UBAC2: variants seen among roughly 807,000 people sequenced by gnomAD.
UBAC2 encodes ubiquitin-associated domain-containing protein 2.
Under a neutral mutation model 44.0 loss-of-function variants are expected in UBAC2, and 26 were observed. That is an observed-to-expected ratio of 0.59 (90% CI 0.43 to 0.82). The LOEUF is 0.82. UBAC2 is among the 40% of genes least tolerant of loss of function. The pLI is 0.00. For missense variants in UBAC2, 329 were observed against 419.4 expected (o/e 0.78, Z 1.88); for synonymous variants, 155 against 154.3 (o/e 1.00, Z -0.04).
chr13:99,302,068 C>T (rs1318386223), intron 4 of UBAC2, among the ~76,000 whole-genome samples: 1 of 152,156 alleles, frequency 6.6e-6, no homozygotes, highest in Non-Finnish European at 1.5e-5. Context: ...TCTCTAGAGT[C>T]AGCTTATACA....
chr13:99,220,788 C>T (rs950369424), intron 1 of UBAC2, among the ~76,000 whole-genome samples: 1 of 152,000 alleles, frequency 6.6e-6, no homozygotes, highest in Non-Finnish European at 1.5e-5. Flanking sequence ...TGACTTGCCC[C>T]ATCTCAGTGC....
At chr13:99,226,626 G>A (rs1464462510) in intron 1 of UBAC2, among the ~76,000 whole-genome samples, 1 of 152,206 alleles carries the variant, frequency 6.6e-6, no homozygotes, top group East Asian at 1.9e-4. Context: ...AAAGGTTAAA[G>A]TCCTCATAAT....
At chr13:99,384,038 C>A (rs1260532878) in intron 8 of UBAC2, among the ~76,000 whole-genome samples, 4 of 152,182 alleles carry the variant, frequency 2.6e-5, no homozygotes, top group African/African-American at 9.7e-5. Context: ...AGCCACATGC[C>A]CAGGCCCATG....
intron 4 of UBAC2, chr13:99,296,145 T>TTGG: frequency 6.3e-7 from 1 of 1,588,856 alleles, no homozygotes; most frequent in Non-Finnish European, 8.6e-7. Context: ...TGTATATCCA[T>TTGG]TGGTGGTGGT....
At chr13:99,268,611 C>CAAAAAAAAAAAAA (rs756827927) in intron 4 of UBAC2, among the ~76,000 whole-genome samples, 21 of 75,652 alleles carry the variant, frequency 2.8e-4, no homozygotes, top group East Asian at 1.5e-3. Context: ...GACTCTGTCT[C>CAAAAAAAAAAAAA]AAAAAAAAAA....
rs192042740 is a variant in UBAC2 at position 99,341,744 on chromosome 13, C to T, written c.807+1179C>T. Among the ~76,000 whole-genome samples the T allele has an allele frequency of 2.4e-4, 37 of 152,188 alleles. 1 individual carries two copies. Among genetic ancestry groups the T allele is most frequent in the Admixed American group, 9.2e-4 (14 of 15,286 alleles). ...GCCTCGTATTTAGCAGGAGGTAAAT[C>T]CTTCAAGGAAACTGAGAGAAGAGCG... is the stretch of plus-strand genomic sequence containing the variant. On this transcript the variant is annotated intron_variant, in intron 7 of 8. Coordinates refer to ENST00000403766, the MANE Select transcript of UBAC2 (RefSeq NM_001144072.2).
rs576003331 is a variant in UBAC2, at chr13:99,251,973, C to T, written c.389+7349C>T. On this transcript the variant is annotated intron_variant, in intron 4 of 8. Coordinates refer to ENST00000403766, the MANE Select transcript of UBAC2 (RefSeq NM_001144072.2). ...ACAAGGTCTTGCCATGTTATCCAGGCTGGCCTTGAACTCCTAAGCTCAAGC... is the reference window on the plus strand; with the variant it reads ...ACAAGGTCTTGCCATGTTATCCAGGTTGGCCTTGAACTCCTAAGCTCAAGC... Among the ~76,000 whole-genome samples, 728 of 152,330 alleles carry T rather than the reference C, an allele frequency of 4.8e-3. 3 individuals are homozygous for T. Among genetic ancestry groups the T allele is most frequent in the Non-Finnish European group, 8.1e-3 (549 of 68,022 alleles).
At chr13:99,275,804 G>A (rs1417463498) in intron 4 of UBAC2, among the ~76,000 whole-genome samples, 1 of 152,016 alleles carries the variant, frequency 6.6e-6, no homozygotes, top group Non-Finnish European at 1.5e-5. Flanking sequence ...AAAGCTGATT[G>A]GAGTCTCGGG....
chr13:99,302,527 C>T (rs1178052873), intron 4 of UBAC2, among the ~76,000 whole-genome samples: 1 of 152,192 alleles, frequency 6.6e-6, no homozygotes, highest in Non-Finnish European at 1.5e-5. Context: ...TTGAAAACGC[C>T]TTCTTGTTCA....
At position 99,238,505 on chromosome 13, in the gene UBAC2, G is replaced by T; in HGVS notation, c.110G>T (p.Cys37Phe). The part of the protein sequence containing the change: ...SLLLALLLPH[C>F]QKLFVYDLHA... ...CTGCTCGCCCTCCTCCTGCCTCACT[G>T]CCAGAAGCTCTTTGTGTATGACCTT... The change falls in exon 2 of 9, where the codon TGC becomes TTC. Residue 37 changes from cysteine to phenylalanine, a missense_variant. By Grantham distance (205) the Cys-to-Phe change is radical. Coordinates refer to ENST00000403766, the MANE Select transcript of UBAC2 (RefSeq NM_001144072.2). The T allele has an allele frequency of 6.2e-7, 1 of 1,613,666 alleles. No individual in the cohort carries two copies. Among genetic ancestry groups the T allele is most frequent in the South Asian group, 1.1e-5 (1 of 91,052 alleles).
chr13:99,334,611 T>A (rs769199739), intron 6 of UBAC2, among the ~76,000 whole-genome samples: 3 of 152,108 alleles, frequency 2.0e-5, no homozygotes, highest in Non-Finnish European at 4.4e-5. Flanking sequence ...TGAATGCATA[T>A]TATAACCTCT....
chr13:99,248,453 G>A (rs9554577), intron 4 of UBAC2, among the ~76,000 whole-genome samples: 24,939 of 150,098 alleles, frequency 0.17, 2,342 homozygotes, highest in Middle Eastern at 0.23. Flanking sequence ...GTGCAATGGC[G>A]TGATTTCTGC....
intron 7 of UBAC2, among the ~76,000 whole-genome samples, chr13:99,366,002 A>G (rs2045325989): frequency 6.6e-6 from 1 of 152,146 alleles, no homozygotes; most frequent in African/African-American, 2.4e-5. Flanking sequence ...TTTATTTGGC[A>G]TGAATGTAGC....
rs989956034 is a variant in UBAC2, at chr13:99,386,115, T to A, written c.*780T>A. The A allele has an allele frequency of 6.6e-6, 1 of 152,230 alleles. No homozygotes were observed. Among genetic ancestry groups the A allele is most frequent in the Non-Finnish European group, 1.5e-5 (1 of 68,044 alleles). The allele number at this position is 152,230 out of a possible 1,614,324, so 9.4% of individuals were successfully genotyped here. Reference sequence around the variant, plus strand: ...GCCCAGGAAGAGGAGAAACGATCCCTTGCCTGCCCCTCCCTGTGGCAGGGC... The same window carrying A: ...GCCCAGGAAGAGGAGAAACGATCCCATGCCTGCCCCTCCCTGTGGCAGGGC... On this transcript the variant is annotated 3_prime_UTR_variant, in exon 9 of 9. Coordinates refer to ENST00000403766, the MANE Select transcript of UBAC2 (RefSeq NM_001144072.2).
At chr13:99,228,889 G>C (rs1269581524) in intron 1 of UBAC2, among the ~76,000 whole-genome samples, 1 of 152,212 alleles carries the variant, frequency 6.6e-6, no homozygotes, top group Non-Finnish European at 1.5e-5. Flanking sequence ...AGAGGAAATA[G>C]TTGGGCTATT....
At chr13:99,334,937 T>C (rs1449104885) in intron 6 of UBAC2, among the ~76,000 whole-genome samples, 1 of 152,188 alleles carries the variant, frequency 6.6e-6, no homozygotes, top group Non-Finnish European at 1.5e-5. Flanking sequence ...GATGAAGATA[T>C]ATTATGGAGA....
chr13:99,250,409 A>T (rs1367901362), intron 4 of UBAC2, among the ~76,000 whole-genome samples: 1 of 152,050 alleles, frequency 6.6e-6, no homozygotes, highest in Non-Finnish European at 1.5e-5. Context: ...ATTCTGTTCC[A>T]CTGGTCTGTA....
Position 99,238,570 on chromosome 13 carries a change from T to G in UBAC2, c.159+16T>G, listed in dbSNP as rs765254250. 73 of 1,594,008 alleles carry G rather than the reference T, an allele frequency of 4.6e-5. No homozygotes were observed. Among genetic ancestry groups the G allele is most frequent in the Non-Finnish European group, 6.0e-5 (70 of 1,169,098 alleles). ...CGACTTCCAGGTAAGCTCTGCCTCA[T>G]TGGCCCCTGAGAGGAGAGCGGACAG... On this transcript the variant is annotated intron_variant, in intron 2 of 8. Transcript: ENST00000403766.
intron 1 of UBAC2, among the ~76,000 whole-genome samples, chr13:99,211,951 C>T (rs1247384142): frequency 6.6e-6 from 1 of 152,186 alleles, no homozygotes; most frequent in Non-Finnish European, 1.5e-5. Context: ...GCTGCCAGTG[C>T]ACAAGTCTGC....
Sources: gnomAD v4.1 joint callset for allele counts (sites outside exome capture counted in the v4.1 genomes callset) on GRCh38, gnomAD v4.1.1 for gene constraint, MANE v1.5 for transcripts, NCBI Gene and HGNC (gene_info 2026-07-23, HGNC 2026-07-21) for gene names.